ATP2B2: variants seen among roughly 807,000 people sequenced by gnomAD.
The protein encoded by ATP2B2 is ATPase plasma membrane Ca2+ transporting 2.
A neutral mutation model predicts 120.0 loss-of-function variants in ATP2B2; 15 were observed. The ratio of observed to expected loss-of-function variants is 0.12; its 90% CI spans 0.08 to 0.19. ATP2B2 has a LOEUF of 0.19. ATP2B2 is among the 10% of genes least tolerant of loss of function. The pLI is 1.00. For synonymous variants in ATP2B2, 694 were observed against 700.3 expected, an observed-to-expected ratio of 0.99 and a Z score of 0.14; for missense variants, 1,045 against 1,719.8, an observed-to-expected ratio of 0.61 and a Z score of 6.94.
At chr3:10,419,062 C>A (rs887232955) in intron 2 of ATP2B2, among the ~76,000 whole-genome samples, 8 of 152,350 alleles carry the variant, frequency 5.3e-5, no homozygotes, top group African/African-American at 1.9e-4. Flanking sequence ...TTGGGCAAAT[C>A]ATTTCCCTTC....
intron 22 of ATP2B2, chr3:10,336,266 G>A (rs1559524731): frequency 6.4e-7 from 1 of 1,550,632 alleles, no homozygotes; most frequent in Non-Finnish European, 8.7e-7. Flanking sequence ...CCCCTGAAAG[G>A]AGGCCCCGCT....
intron 2 of ATP2B2, among the ~76,000 whole-genome samples, chr3:10,605,590 G>A (rs1227693621): frequency 2.6e-5 from 4 of 152,078 alleles, no homozygotes; most frequent in Non-Finnish European, 2.9e-5. Context: ...TGGAGCTGGA[G>A]GATTGCTTGA....
At chr3:10,643,284 G>C (rs538093966) in intron 1 of ATP2B2, among the ~76,000 whole-genome samples, 15 of 152,316 alleles carry the variant, frequency 9.8e-5, no homozygotes, top group African/African-American at 3.1e-4. Flanking sequence ...GGAGAGAACG[G>C]AGAGCTCTTG....
intron 1 of ATP2B2, among the ~76,000 whole-genome samples, chr3:10,638,715 G>T (rs1241737082): frequency 6.6e-6 from 1 of 152,158 alleles, no homozygotes; most frequent in Non-Finnish European, 1.5e-5. Context: ...TTGTCTATAA[G>T]AAATGTGCTT....
intron 1 of ATP2B2, among the ~76,000 whole-genome samples, chr3:10,479,600 T>A (rs9825955): frequency 0.28 from 42,680 of 151,802 alleles, 6,462 homozygotes; most frequent in East Asian, 0.51. Flanking sequence ...TGCAATAATT[T>A]AAAAAATAAC....
intron 1 of ATP2B2, among the ~76,000 whole-genome samples, chr3:10,500,629 A>G (rs2066345240): frequency 6.6e-6 from 1 of 151,996 alleles, no homozygotes; most frequent in Admixed American, 6.6e-5. Context: ...AGGAAGAGCA[A>G]GGGTTGCTGG....
At chr3:10,392,825 G>A (rs1388121870) in intron 5 of ATP2B2, among the ~76,000 whole-genome samples, 1 of 152,264 alleles carries the variant, frequency 6.6e-6, no homozygotes, top group African/African-American at 2.4e-5. Context: ...TCTGTAGAGT[G>A]GGGAGGGAGC....
At chr3:10,442,998 T>C (rs2063720471) in intron 2 of ATP2B2, among the ~76,000 whole-genome samples, 1 of 152,196 alleles carries the variant, frequency 6.6e-6, no homozygotes. Context: ...ATTTGCACCA[T>C]GATACCAAGT....
At chr3:10,518,299 G>A (rs1202614199) in intron 3 of ATP2B2, among the ~76,000 whole-genome samples, 1 of 152,206 alleles carries the variant, frequency 6.6e-6, no homozygotes, top group Non-Finnish European at 1.5e-5. Flanking sequence ...CAAAGTAAGT[G>A]CACAGGTATT....
intron 2 of ATP2B2, among the ~76,000 whole-genome samples, chr3:10,412,440 T>A (rs1398445148): frequency 6.6e-6 from 1 of 152,128 alleles, no homozygotes; most frequent in Non-Finnish European, 1.5e-5. Context: ...CTGCCCCATG[T>A]CGCCCCAAGT....
At chr3:10,543,266 C>T (rs1055299892) in intron 2 of ATP2B2, among the ~76,000 whole-genome samples, 1 of 152,178 alleles carries the variant, frequency 6.6e-6, no homozygotes, top group Non-Finnish European at 1.5e-5. Flanking sequence ...TTTAAGCCAC[C>T]CAGTCTGTGG....
In ATP2B2 at chr3:10,410,626, C is replaced by A; in HGVS notation, c.389G>T (p.Gly130Val). The A allele has an allele frequency of 6.2e-7, 1 of 1,605,650 alleles. No individual in the cohort carries two copies. The highest frequency in any genetic ancestry group is 8.5e-7 in the Non-Finnish European group (1 of 1,174,028). Reference protein sequence around the residue: ...GLSFYHPPGEGNEGCATAQGG... With the variant: ...GLSFYHPPGEVNEGCATAQGG... ...TCTGAGGCCCATCTTACCTTCGTTGCCCTCGCCGGGCGGGTGGTAGAAGGA... is the reference window on the plus strand; with the variant it reads ...TCTGAGGCCCATCTTACCTTCGTTGACCTCGCCGGGCGGGTGGTAGAAGGA... The change falls in exon 3 of 23, where the codon GGC (glycine) becomes GTC (valine). Residue 130 changes from glycine to valine, a missense_variant. Physicochemically the swap from Gly to Val is moderately radical, Grantham distance 109 (BLOSUM62 -3). Transcript: ENST00000360273.
intron 2 of ATP2B2, among the ~76,000 whole-genome samples, chr3:10,617,316 A>T (rs1292342187): frequency 6.6e-6 from 1 of 152,240 alleles, no homozygotes; most frequent in Non-Finnish European, 1.5e-5. Flanking sequence ...CTCATCACAC[A>T]TATTAAAAGA....
At chr3:10,543,399 A>G (rs770108833) in intron 2 of ATP2B2, among the ~76,000 whole-genome samples, 38 of 152,194 alleles carry the variant, frequency 2.5e-4, no homozygotes, top group Admixed American at 2.6e-4. Flanking sequence ...TTTTTCCAAA[A>G]ACATGTCTAT....
intron 2 of ATP2B2, among the ~76,000 whole-genome samples, chr3:10,601,250 C>T (rs1575543836): frequency 6.6e-6 from 1 of 152,182 alleles, no homozygotes; most frequent in Non-Finnish European, 1.5e-5. Context: ...AGCCAGGACA[C>T]TCCAGGAACA....
At chr3:10,520,842 T>C (rs1442161390) in intron 3 of ATP2B2, among the ~76,000 whole-genome samples, 2 of 151,900 alleles carry the variant, frequency 1.3e-5, no homozygotes, top group African/African-American at 4.8e-5. Flanking sequence ...ACAAACTATA[T>C]GGCATACGTG....
In ATP2B2 at chr3:10,635,511, C is replaced by T. The variant is rs879594; in HGVS notation, c.-459-15550G>A. Among the ~76,000 whole-genome samples, 32,416 of 152,048 alleles carry T rather than the reference C, an allele frequency of 0.21. 5,716 individuals carry two copies. The highest frequency in any genetic ancestry group is 0.48 in the African/African-American group (19,803 of 41,418). On this transcript the variant is annotated intron_variant, in intron 1 of 21. Coordinates refer to the ATP2B2 transcript ENST00000646379. The surrounding 1 kb of genome is among the most constrained non-coding windows in gnomAD (Gnocchi z 4.3). ...TGCTTACGTGCCAGAGACTCTAAAG[C>T]CCATCCTGTTCCCCTCTCCCTCTCC...
At chr3:10,331,877 G>T in intron 22 of ATP2B2, 1 of 1,130,190 alleles carries the variant, frequency 8.8e-7, no homozygotes, top group Non-Finnish European at 1.3e-6. Flanking sequence ...ACAGGCCCTG[G>T]TCTGAGATGG....
chr3:10,407,917 A>C (rs1051458951), intron 3 of ATP2B2, among the ~76,000 whole-genome samples: 22 of 152,176 alleles, frequency 1.4e-4, no homozygotes, highest in Non-Finnish European at 2.5e-4. Context: ...ACTGAAGCTG[A>C]GCACATGGAG....
Sources: gnomAD v4.1 joint callset for allele counts (sites outside exome capture counted in the v4.1 genomes callset) on GRCh38, gnomAD v4.1.1 for gene constraint, Gnocchi (gnomAD v3.1) non-coding constraint, MANE v1.5 for transcripts, NCBI Gene and HGNC (gene_info 2026-07-23, HGNC 2026-07-21) for gene names.